PDE1C: variants seen among roughly 807,000 people sequenced by gnomAD.
PDE1C encodes dual specificity calcium/calmodulin-dependent 3',5'-cyclic nucleotide phosphodiesterase 1C.
A neutral mutation model predicts 93.1 loss-of-function variants in PDE1C; 62 were observed. That is an observed-to-expected ratio of 0.67 (90% confidence interval 0.54 to 0.82). The LOEUF (loss-of-function observed/expected upper bound fraction) is 0.82, where lower values mean the gene tolerates loss of function less well. PDE1C is among the 40% of genes least tolerant of loss of function. The probability of loss-of-function intolerance (pLI) is 0.00; values close to 1 mark genes in which losing one functional copy is unlikely to be tolerated. For synonymous variants in PDE1C, 325 were observed against 310.1 expected, an observed-to-expected ratio of 1.05 and a Z score of -0.50; for missense variants, 742 against 884.6, an observed-to-expected ratio of 0.84 and a Z score of 2.04.
intron 2 of PDE1C, among the ~76,000 whole-genome samples, chr7:32,017,215 A>G: frequency 6.6e-6 from 1 of 152,170 alleles, no homozygotes; most frequent in Admixed American, 6.6e-5. Context: ...CTTGACATTG[A>G]CAAGAGTGCC....
chr7:31,949,344 C>T (rs909650128), intron 2 of PDE1C, among the ~76,000 whole-genome samples: 2 of 152,102 alleles, frequency 1.3e-5, no homozygotes, highest in Non-Finnish European at 2.9e-5. Flanking sequence ...CCTGTAATCC[C>T]AGCTGCTCGG....
In PDE1C at chr7:32,154,668, G is replaced by A. The variant is rs574593643; in HGVS notation, c.308+15117C>T. On this transcript the variant is annotated intron_variant, in intron 3 of 18. Coordinates refer to the PDE1C transcript ENST00000396193. ...CCAAGGTGGTAAGTTACAGAGTCACGATGGAATCTCAGCTTTGTCTGACTC... is the reference window on the plus strand; with the variant it reads ...CCAAGGTGGTAAGTTACAGAGTCACAATGGAATCTCAGCTTTGTCTGACTC... Among the ~76,000 whole-genome samples, 120 of 152,264 alleles carry A rather than the reference G, an allele frequency of 7.9e-4. 2 individuals are homozygous for A. The highest frequency in any genetic ancestry group is 5.9e-3 in the Admixed American group (91 of 15,296).
chr7:31,884,613 A>G (rs2128885803), intron 2 of PDE1C, among the ~76,000 whole-genome samples: 1 of 152,184 alleles, frequency 6.6e-6, no homozygotes, highest in Middle Eastern at 3.4e-3. Flanking sequence ...CCCCTTTCAA[A>G]TTCTGTTGAG....
Position 31,751,244 on chromosome 7 carries a change from C to CA in PDE1C, c.*2139dup, listed in dbSNP as rs1266373831. The CA allele has an allele frequency of 6.6e-6, 1 of 151,998 alleles. No homozygotes were observed. Among genetic ancestry groups the CA allele is most frequent in the African/African-American group, 2.4e-5 (1 of 41,386 alleles). The allele number at this position is 151,998 out of a possible 1,614,324, so 9.4% of individuals were successfully genotyped here. On this transcript the variant is annotated 3_prime_UTR_variant, in exon 18 of 18. Transcript: ENST00000396191. ...CTGCATTTCTATACAATCCATTATGCAAAAAACATGGTAGGCATTTTATAA... is the reference window on the plus strand; with the variant it reads ...CTGCATTTCTATACAATCCATTATGCAAAAAAACATGGTAGGCATTTTATAA...
At chr7:32,184,221 A>T (rs926236248) in intron 2 of PDE1C, among the ~76,000 whole-genome samples, 3 of 152,198 alleles carry the variant, frequency 2.0e-5, no homozygotes, top group African/African-American at 7.2e-5. Flanking sequence ...TAGTTCAACC[A>T]TTGTGGAAGT....
At chr7:31,623,073 A>C in the PDE1C span, among the ~76,000 whole-genome samples, 1 of 152,240 alleles carries the variant, frequency 6.6e-6, no homozygotes, top group East Asian at 1.9e-4. Flanking sequence ...GAATCTCTGA[A>C]TAGGCCAATA....
chr7:31,838,919 A>C (rs1791458285), intron 9 of PDE1C, among the ~76,000 whole-genome samples: 1 of 151,432 alleles, frequency 6.6e-6, no homozygotes, highest in African/African-American at 2.4e-5. Context: ...TGTCTATCTA[A>C]AATAGTTTGA....
At chr7:31,750,711 A>G (rs1233394506), downstream of PDE1C, among the ~76,000 whole-genome samples, 1 of 152,170 alleles carries the variant, frequency 6.6e-6, no homozygotes, top group African/African-American at 2.4e-5. Flanking sequence ...CAAAGTTCCA[A>G]TTGTTTTTTT....
the PDE1C span, among the ~76,000 whole-genome samples, chr7:31,617,852 A>G: frequency 6.6e-6 from 1 of 152,238 alleles, no homozygotes; most frequent in African/African-American, 2.4e-5. Flanking sequence ...CATTTGACCT[A>G]TTAAGAAGAG....
chr7:31,854,709 G>A lies in PDE1C; in HGVS notation c.751-3968C>T, dbSNP rs565704155. 2.6e-5 allele frequency among the ~76,000 whole-genome samples: 4 copies of A among 152,286 alleles called. No homozygotes were observed. In the East Asian group the frequency reaches 7.7e-4, roughly 29 times the overall value. On this transcript the variant is annotated intron_variant, in intron 7 of 17. Transcript: ENST00000396191. ...GTGACTTTTCTATGTGAATGATAGA[G>A]TTTCTTTAGTAATCTGTTAGTTTTC...
intron 2 of PDE1C, among the ~76,000 whole-genome samples, chr7:31,972,981 C>T (rs7790003): frequency 3.3e-5 from 5 of 151,894 alleles, no homozygotes; most frequent in Admixed American, 3.3e-4. Flanking sequence ...CCCATCAGCA[C>T]TGGGCAGCCC....
chr7:31,728,461 T>C, the PDE1C span, among the ~76,000 whole-genome samples: 1 of 152,190 alleles, frequency 6.6e-6, no homozygotes, highest in Non-Finnish European at 1.5e-5. Context: ...AAACGCAACA[T>C]TTGTTTTATC....
intron 2 of PDE1C, among the ~76,000 whole-genome samples, chr7:31,989,898 C>G (rs1309072639): frequency 1.3e-5 from 2 of 152,234 alleles, no homozygotes; most frequent in Non-Finnish European, 2.9e-5. Flanking sequence ...AAGGGAATAA[C>G]TTAGCCATTC....
the PDE1C span, among the ~76,000 whole-genome samples, chr7:31,617,161 C>G: frequency 6.6e-6 from 1 of 152,146 alleles, no homozygotes; most frequent in Admixed American, 6.5e-5. Context: ...CATTTGCCAT[C>G]TTTCAGGAAG....
At chr7:32,077,441 T>TATACC (rs1474374829) in intron 3 of PDE1C, among the ~76,000 whole-genome samples, 1 of 152,242 alleles carries the variant, frequency 6.6e-6, no homozygotes, top group East Asian at 1.9e-4. Context: ...GATAAATAGA[T>TATACC]ATACCGATAA....
intron 16 of PDE1C, among the ~76,000 whole-genome samples, chr7:31,779,624 T>G (rs2128635680): frequency 6.6e-6 from 1 of 152,264 alleles, no homozygotes; most frequent in Non-Finnish European, 1.5e-5. Flanking sequence ...CCATCCCACC[T>G]CTCATAACCA....
At chr7:32,026,478 C>A in intron 2 of PDE1C, among the ~76,000 whole-genome samples, 1 of 152,118 alleles carries the variant, frequency 6.6e-6, no homozygotes, top group East Asian at 1.9e-4. Flanking sequence ...CAGTCTTCAC[C>A]ATTGCACACC....
At chr7:31,681,401 ATG>A in the PDE1C span, among the ~76,000 whole-genome samples, 2 of 151,378 alleles carry the variant, frequency 1.3e-5, no homozygotes, top group Admixed American at 1.3e-4. Flanking sequence ...GGATGGATGG[ATG>A]GATGGATGGA....
the PDE1C span, among the ~76,000 whole-genome samples, chr7:31,682,644 A>T: frequency 0.017 from 2,643 of 152,272 alleles, 33 homozygotes; most frequent in Middle Eastern, 0.041. Flanking sequence ...GAGAAATTAA[A>T]ACTTATGTGC....
Sources: gnomAD v4.1 joint callset for allele counts (sites outside exome capture counted in the v4.1 genomes callset) on GRCh38, gnomAD v4.1.1 for gene constraint, MANE v1.5 for transcripts, NCBI Gene and HGNC (gene_info 2026-07-23, HGNC 2026-07-21) for gene names.